The following EIF6 variants were observed in gnomAD, a reference collection of about 807,000 sequenced individuals.
EIF6 encodes B4 integrin interactor.
In EIF6, 10 loss-of-function variants were observed where a neutral mutation model predicts 25.5. The observed-to-expected ratio is 0.39, with a 90% CI of 0.24 to 0.66. The LOEUF is 0.66. Among genes scored for constraint, EIF6 ranks in the 30% least tolerant of loss-of-function variants. The pLI, the probability that EIF6 is intolerant of heterozygous loss-of-function variation, is 0.45. For missense variants in EIF6, 246 were observed against 315.4 expected (o/e 0.78, Z 1.67); for synonymous variants, 122 against 122.6 (o/e 1.00, Z 0.03).
At chr20:35,281,222 T>C in intron 3 of EIF6, among the ~76,000 whole-genome samples, 1 of 151,696 alleles carries the variant, frequency 6.6e-6, no homozygotes, top group Non-Finnish European at 1.5e-5. Flanking sequence ...CCGTCTCTAC[T>C]AAAAATACAA....
intron 3 of EIF6, among the ~76,000 whole-genome samples, chr20:35,281,230 CAAA>C (rs1248023220): frequency 2.0e-5 from 3 of 151,802 alleles, no homozygotes; most frequent in African/African-American, 7.2e-5. Context: ...ACTAAAAATA[CAAA>C]AAATTAGCCA....
chr20:35,282,275 C>A (rs2060782136), intron 3 of EIF6, among the ~76,000 whole-genome samples: 1 of 152,256 alleles, frequency 6.6e-6, no homozygotes, highest in Non-Finnish European at 1.5e-5. Flanking sequence ...AGGCGTGAGC[C>A]ACCATGCCCG....
chr20:35,279,125 G>A lies in EIF6; in HGVS notation c.*72C>T. 2 of 1,602,386 alleles carry A rather than the reference G, an allele frequency of 1.2e-6. No homozygotes were observed. Among genetic ancestry groups the A allele is most frequent in the South Asian group, 2.2e-5 (2 of 90,580 alleles). ...CACCTCCCTGCCAGCATCCGGTACA[G>A]ATTGGGCGGAATGTGGAGAAGGTTG... On this transcript the variant is annotated 3_prime_UTR_variant, in exon 7 of 7. Coordinates refer to ENST00000374450, the MANE Select transcript of EIF6 (RefSeq NM_002212.4).
rs1479317327 is a variant in EIF6, at chr20:35,280,651, C to T, written c.369+3G>A. ...ACTCTTGGGTCAAGTTGGGCTGCCT[C>T]ACCCTGTCCAAGTCTGGGTGGACCA... On this transcript the variant is annotated splice_donor_region_variant and intron_variant, in intron 4 of 6. Coordinates refer to ENST00000374450, the MANE Select transcript of EIF6 (RefSeq NM_002212.4). The T allele has an allele frequency of 1.9e-6, 3 of 1,612,700 alleles. No homozygotes were observed. The highest frequency in any genetic ancestry group is 1.3e-5 in the African/African-American group (1 of 74,904).
At chr20:35,279,918 G>A (rs752066001) in intron 5 of EIF6, 24 bp downstream of exon 5, 1 of 1,608,284 alleles carries the variant, frequency 6.2e-7, no homozygotes, top group Non-Finnish European at 8.5e-7. Context: ...CGGGAGACGG[G>A]GTTCAGAGGA....
In EIF6 at chr20:35,279,951, G is replaced by T; in HGVS notation, c.537C>A (p.Val179=). The change falls in exon 5 of 7, where the codon GTC becomes GTA. Residue 179 remains valine (V), a synonymous_variant. Coordinates refer to ENST00000374450, the MANE Select transcript of EIF6 (RefSeq NM_002212.4). ...GGACAGGAATGCTTACCACAAGGGG[G>T]ACTTGAAGAAGAGAGGACAGCTCAT... The part of the protein sequence containing the change: ...DQDELSSLLQ[V]PLVAGTVNRG... The T allele has an allele frequency of 1.2e-6, 2 of 1,613,940 alleles. No homozygotes were observed. Among genetic ancestry groups the T allele is most frequent in the Non-Finnish European group, 1.7e-6 (2 of 1,179,874 alleles).
intron 3 of EIF6, among the ~76,000 whole-genome samples, chr20:35,282,180 G>A (rs1028570694): frequency 6.6e-6 from 1 of 151,978 alleles, no homozygotes; most frequent in Non-Finnish European, 1.5e-5. Flanking sequence ...TAGTAGACAC[G>A]GGGTTTCACC....
At chr20:35,283,295 AAT>A (rs199943319) in intron 3 of EIF6, among the ~76,000 whole-genome samples, 17,925 of 149,472 alleles carry the variant, frequency 0.12, 1,120 homozygotes, top group South Asian at 0.16. Flanking sequence ...CTCAAAAAAA[AAT>A]AATAATAATA....
At chr20:35,280,852 G>A (rs1303849341) in intron 3 of EIF6, 23 bp from the exon 4 acceptor site, 2 of 1,612,080 alleles carry the variant, frequency 1.2e-6, no homozygotes, top group Admixed American at 3.3e-5. Context: ...AAATTAGAGG[G>A]TGAATACACA....
At chr20:35,284,350 G>T (rs748285635) in intron 2 of EIF6, 31 bp downstream of exon 2, 1 of 1,613,624 alleles carries the variant, frequency 6.2e-7, no homozygotes, top group Non-Finnish European at 8.5e-7. Context: ...ACGCCTCCCC[G>T]CCACCGTAAG....
rs766741380 is a variant in EIF6, at chr20:35,280,644, G to A, written c.369+10C>T. 8 of 1,611,852 alleles carry A rather than the reference G, an allele frequency of 5.0e-6. No homozygotes were observed. In the East Asian group the frequency reaches 1.1e-4, roughly 22 times the overall value. Reference sequence around the variant, plus strand: ...CCCTGTGACTCTTGGGTCAAGTTGGGCTGCCTCACCCTGTCCAAGTCTGGG... The same window carrying A: ...CCCTGTGACTCTTGGGTCAAGTTGGACTGCCTCACCCTGTCCAAGTCTGGG... On this transcript the variant is annotated intron_variant, in intron 4 of 6. Transcript: ENST00000374450.
chr20:35,280,825 G>A lies in EIF6; in HGVS notation c.198C>T (p.Asn66=). ...TGTTGGGTACCAGGAGACCGTGCCT[G>A]TTCCCTGGAGAAACCCAAATTAGAG... ...CRIIGRMCVG[N]RHGLLVPNNT... Residue 66 remains asparagine, a synonymous_variant, in exon 4 of 7, where the codon AAC becomes AAT. Transcript: ENST00000374450. 1.2e-6 allele frequency: 2 copies of A among 1,613,788 alleles called. No homozygotes were observed. The highest frequency in any genetic ancestry group is 1.7e-6 in the Non-Finnish European group (2 of 1,179,886).
chr20:35,284,555 G>T, intron 1 of EIF6, 63 bp from the exon 2 acceptor site: 1 of 1,534,062 alleles, frequency 6.5e-7, no homozygotes, highest in Non-Finnish European at 8.8e-7. Flanking sequence ...CCCGGCCTCC[G>T]TCCCTCAGGC....
At chr20:35,282,586 TTTG>T (rs938222778) in intron 3 of EIF6, among the ~76,000 whole-genome samples, 7 of 152,156 alleles carry the variant, frequency 4.6e-5, no homozygotes, top group Admixed American at 2.6e-4. Context: ...GGCTTAAGTT[TTTG>T]TTGTTGTTGT....
In EIF6 at chr20:35,279,700, C is replaced by G. The variant is rs1231917522; in HGVS notation, c.594G>C (p.Val198=). 12 of 1,614,064 alleles carry G rather than the reference C, an allele frequency of 7.4e-6. No homozygotes were observed. Among genetic ancestry groups the G allele is most frequent in the Non-Finnish European group, 1.0e-5 (12 of 1,180,048 alleles). The change falls in exon 6 of 7, where the codon GTG becomes GTC. Residue 198 remains valine, a synonymous_variant. Transcript: ENST00000374450. ...CACAGAAGGCACACCAGTCATTCAC[C>G]ACCATCCCAGCAGCAATCACCTCAC... ...RGSEVIAAGM[V]VNDWCAFCGL... is the part of the protein sequence containing the mutation.
rs566320963 is a variant in EIF6 at position 35,284,080 on chromosome 20, C to G, written c.193+96G>C. The stretch of plus-strand genomic sequence containing the variant: ...AGTGCCCAGAGATAACAGATGATAC[C>G]CTGGGAATCCCTAGGTCACTCCGGG... On this transcript the variant is annotated intron_variant, in intron 3 of 6. Coordinates refer to ENST00000374450, the MANE Select transcript of EIF6 (RefSeq NM_002212.4). 6.1e-5 allele frequency: 86 copies of G among 1,418,800 alleles called. 1 individual carries two copies. In the Admixed American group the frequency reaches 1.9e-3, roughly 31 times the overall value. The allele number at this position is 1,418,800 out of a possible 1,614,324, so 87.9% of individuals were successfully genotyped here.
chr20:35,281,958 G>A (rs1445188568), intron 3 of EIF6, among the ~76,000 whole-genome samples: 2 of 150,952 alleles, frequency 1.3e-5, no homozygotes, highest in African/African-American at 4.9e-5. Flanking sequence ...ATATGTACAT[G>A]TGTTCACTAA....
intron 3 of EIF6, among the ~76,000 whole-genome samples, chr20:35,283,482 C>A (rs75325629): frequency 6.6e-6 from 1 of 152,048 alleles, no homozygotes; most frequent in Non-Finnish European, 1.5e-5. Flanking sequence ...GCACCTTGCC[C>A]AGTCAGTGGC....
intron 4 of EIF6, 25 bp from the exon 5 acceptor site, chr20:35,280,143 A>G (rs1031425727): frequency 2.5e-6 from 4 of 1,609,916 alleles, no homozygotes; most frequent in South Asian, 1.1e-5. Flanking sequence ...TATTGTGTTC[A>G]GGGCTCAGAA....
Sources: gnomAD v4.1 joint callset for allele counts (sites outside exome capture counted in the v4.1 genomes callset) on GRCh38, gnomAD v4.1.1 for gene constraint, MANE v1.5 for transcripts, NCBI Gene and HGNC (gene_info 2026-07-23, HGNC 2026-07-21) for gene names.